The following HS6ST3 variants were observed in gnomAD, a reference collection of about 807,000 sequenced individuals.
HS6ST3 encodes heparan-sulfate 6-O-sulfotransferase 3.
Under a neutral mutation model 36.7 loss-of-function variants are expected in HS6ST3, and 12 were observed. That is an observed-to-expected ratio of 0.33 (90% CI 0.21 to 0.53). HS6ST3 has a LOEUF of 0.53. Among genes scored for constraint, HS6ST3 ranks in the 20% least tolerant of loss-of-function variants. HS6ST3 has a pLI of 0.95. For synonymous variants in HS6ST3, 240 were observed against 257.5 expected (o/e 0.93, Z 0.65); for missense variants, 584 against 640.9 (o/e 0.91, Z 0.96).
chr13:96,631,143 G>T (rs1271487875), intron 1 of HS6ST3, among the ~76,000 whole-genome samples: 1 of 152,130 alleles, frequency 6.6e-6, no homozygotes, highest in Non-Finnish European at 1.5e-5. Flanking sequence ...AGCTGAAAAG[G>T]TGCTGGTGAT....
At chr13:96,767,309 T>C (rs1877142443) in intron 1 of HS6ST3, among the ~76,000 whole-genome samples, 1 of 152,168 alleles carries the variant, frequency 6.6e-6, no homozygotes, top group Admixed American at 6.5e-5. Flanking sequence ...CACAAGCACA[T>C]ATGTGTACAT....
chr13:96,176,194 AAAAC>A (rs1174686974), intron 1 of HS6ST3, among the ~76,000 whole-genome samples: 5 of 152,190 alleles, frequency 3.3e-5, no homozygotes, highest in African/African-American at 4.8e-5. Flanking sequence ...AAGAAAACCA[AAAAC>A]AAACAACCTT....
At chr13:96,190,253 C>T (rs370764531) in intron 1 of HS6ST3, among the ~76,000 whole-genome samples, 3 of 152,154 alleles carry the variant, frequency 2.0e-5, no homozygotes, top group Admixed American at 2.0e-4. Context: ...GGTGCCAGCT[C>T]CTTTGCGTTC....
At chr13:96,614,157 G>GAGTGGTGATGGGCGCCTGT (rs2056465376) in intron 1 of HS6ST3, among the ~76,000 whole-genome samples, 2 of 151,874 alleles carry the variant, frequency 1.3e-5, no homozygotes, top group African/African-American at 4.8e-5. Context: ...AATTAGCCGG[G>GAGTGGTGATGGGCGCCTGT]AGTGGTGATG....
At chr13:96,574,237 C>T (rs990734885) in intron 1 of HS6ST3, 4 of 469,558 alleles carry the variant, frequency 8.5e-6, no homozygotes, top group Admixed American at 2.5e-5. Context: ...CTAGTGATTA[C>T]CTGGACTGGG....
intron 1 of HS6ST3, among the ~76,000 whole-genome samples, chr13:96,229,386 G>C (rs189846167): frequency 9.9e-5 from 15 of 152,118 alleles, no homozygotes; most frequent in African/African-American, 3.6e-4. Flanking sequence ...TAAAAAACAG[G>C]CACTTATCTC....
chr13:96,731,883 T>A (rs1291925500), intron 1 of HS6ST3, among the ~76,000 whole-genome samples: 3 of 152,106 alleles, frequency 2.0e-5, no homozygotes, highest in Non-Finnish European at 4.4e-5. Context: ...CTTGAACTCC[T>A]GGGCTCAAGC....
At chr13:96,397,211 C>T (rs577262034) in intron 1 of HS6ST3, among the ~76,000 whole-genome samples, 1 of 151,732 alleles carries the variant, frequency 6.6e-6, no homozygotes, top group Admixed American at 6.6e-5. Flanking sequence ...TCAAAGAAAG[C>T]AAAACAAAAC....
Position 96,601,804 on chromosome 13 carries a change from A to T in HS6ST3, c.708-230686A>T, listed in dbSNP as rs190709239. Reference sequence around the variant, plus strand: ...GATTTTTTAAAAATTCCTTTTGAGGATGTGACTTTAGTATGTATAGTTTAT... The same window carrying T: ...GATTTTTTAAAAATTCCTTTTGAGGTTGTGACTTTAGTATGTATAGTTTAT... On this transcript the variant is annotated intron_variant, in intron 1 of 1. Transcript: ENST00000376705. 8.2e-4 allele frequency among the ~76,000 whole-genome samples: 125 copies of T among 152,228 alleles called. 1 individual carries two copies. Among genetic ancestry groups the T allele is most frequent in the African/African-American group, 2.8e-3 (118 of 41,538 alleles).
At chr13:96,679,099 G>C (rs935623992) in intron 1 of HS6ST3, among the ~76,000 whole-genome samples, 7 of 148,880 alleles carry the variant, frequency 4.7e-5, no homozygotes, top group African/African-American at 1.5e-4. Context: ...TCTGTTCACT[G>C]CGTCACCACA....
chr13:96,751,791 C>A (rs1375393711), intron 1 of HS6ST3, among the ~76,000 whole-genome samples: 2 of 151,100 alleles, frequency 1.3e-5, no homozygotes, highest in African/African-American at 4.9e-5. Flanking sequence ...TACATATATA[C>A]ATATGTGTGT....
chr13:96,100,852 T>A (rs1831156185), intron 1 of HS6ST3, among the ~76,000 whole-genome samples: 3 of 152,192 alleles, frequency 2.0e-5, no homozygotes, highest in African/African-American at 7.2e-5. Context: ...CTGAAAATAG[T>A]TTGAAATTTC....
chr13:96,615,317 C>A (rs994274725), intron 1 of HS6ST3, among the ~76,000 whole-genome samples: 1 of 152,134 alleles, frequency 6.6e-6, no homozygotes, highest in South Asian at 2.1e-4. Context: ...TGTACATATC[C>A]CTGATTCTCT....
chr13:96,387,911 A>T (rs941030337), intron 1 of HS6ST3, among the ~76,000 whole-genome samples: 3 of 152,062 alleles, frequency 2.0e-5, no homozygotes, highest in Non-Finnish European at 4.4e-5. Flanking sequence ...AGGTTCCTTG[A>T]TTGCCAGCCA....
At chr13:96,629,869 T>C (rs2056526053) in intron 1 of HS6ST3, among the ~76,000 whole-genome samples, 1 of 152,118 alleles carries the variant, frequency 6.6e-6, no homozygotes, top group Admixed American at 6.5e-5. Context: ...TTAGCTCCCC[T>C]AGAAATATCA....
intron 1 of HS6ST3, among the ~76,000 whole-genome samples, chr13:96,118,597 G>C (rs1235100013): frequency 1.2e-4 from 15 of 127,802 alleles, no homozygotes; most frequent in Non-Finnish European, 2.1e-4. Context: ...AGGAGAGATA[G>C]GAAAAATGTT....
intron 1 of HS6ST3, among the ~76,000 whole-genome samples, chr13:96,340,190 T>C (rs895855987): frequency 6.6e-6 from 1 of 152,178 alleles, no homozygotes; most frequent in Non-Finnish European, 1.5e-5. Flanking sequence ...ACCTAAGAAA[T>C]CAACAACATG....
intron 1 of HS6ST3, among the ~76,000 whole-genome samples, chr13:96,714,058 G>A (rs1313386842): frequency 6.6e-6 from 1 of 152,066 alleles, no homozygotes; most frequent in Non-Finnish European, 1.5e-5. Flanking sequence ...ACAATTAAAT[G>A]TGAAAATGAA....
chr13:96,237,611 C>T (rs1478663650), intron 1 of HS6ST3, among the ~76,000 whole-genome samples: 1 of 152,136 alleles, frequency 6.6e-6, no homozygotes, highest in African/African-American at 2.4e-5. Context: ...TCTTAGTGAT[C>T]ACTGTCTTTA....
Sources: allele counts gnomAD v4.1 joint callset (sites outside exome capture counted in the v4.1 genomes callset), GRCh38; gene constraint gnomAD v4.1.1; transcripts MANE v1.5; gene names NCBI Gene and HGNC (gene_info 2026-07-23, HGNC 2026-07-21).